VOPP1: variants seen among roughly 807,000 people sequenced by gnomAD.
The protein encoded by VOPP1 is WW domain binding protein VOPP1.
In VOPP1, 8 loss-of-function variants were observed where a neutral mutation model predicts 23.5. The ratio of observed to expected loss-of-function variants is 0.34; its 90% confidence interval spans 0.20 to 0.61. VOPP1 has a LOEUF of 0.61. Ranked by LOEUF, VOPP1 falls within the 20% of genes least tolerant of loss-of-function variation. The pLI is 0.78. For missense variants in VOPP1, 174 were observed against 238.1 expected (o/e 0.73, Z 1.77); for synonymous variants, 83 against 97.3 (o/e 0.85, Z 0.86).
chr7:55,556,815 C>A (rs1398852433), intron 1 of VOPP1, among the ~76,000 whole-genome samples: 8 of 152,108 alleles, frequency 5.3e-5, no homozygotes, highest in African/African-American at 1.9e-4. Flanking sequence ...GAATTAATGA[C>A]CCTTGTTGTA....
intron 4 of VOPP1, among the ~76,000 whole-genome samples, chr7:55,453,989 T>C (rs1234044871): frequency 2.0e-5 from 3 of 152,194 alleles, no homozygotes; most frequent in South Asian, 2.1e-4. Flanking sequence ...GAAAATAGTA[T>C]ACCAAATCCT....
intron 2 of VOPP1, among the ~76,000 whole-genome samples, chr7:55,507,893 G>C (rs1451640186): frequency 6.6e-6 from 1 of 152,162 alleles, no homozygotes; most frequent in Non-Finnish European, 1.5e-5. Context: ...GCTTTGATGA[G>C]GCCTGAGCCC....
intron 1 of VOPP1, chr7:55,561,769 A>C (rs1461892701): frequency 2.1e-6 from 1 of 483,308 alleles, no homozygotes; most frequent in Non-Finnish European, 3.7e-6. Context: ...AAAAACAAAC[A>C]AGCAATTACA....
intron 4 of VOPP1, among the ~76,000 whole-genome samples, chr7:55,491,406 C>G (rs1219049043): frequency 6.6e-6 from 1 of 152,216 alleles, no homozygotes; most frequent in Non-Finnish European, 1.5e-5. Flanking sequence ...CCACAGTGTG[C>G]AATCAATAGA....
Position 55,447,927 on chromosome 7 carries a change from C to T in VOPP1, n.418-11753G>A, listed in dbSNP as rs1221196009. Reference sequence around the variant, plus strand: ...ATTGGCAATTATATATGAACTAAATCATTATAATTACAACTCATTGTAATT... The same window carrying T: ...ATTGGCAATTATATATGAACTAAATTATTATAATTACAACTCATTGTAATT... On this transcript the variant is annotated intron_variant and non_coding_transcript_variant, in intron 4 of 4. Coordinates refer to the VOPP1 transcript ENST00000462326. Among the ~76,000 whole-genome samples, 6 of 152,080 alleles carry T rather than the reference C, an allele frequency of 3.9e-5. No individual in the cohort carries two copies. The East Asian group carries it at 1.2e-3, about 29-fold the overall frequency.
At position 55,472,881 on chromosome 7, in the gene VOPP1, A is replaced by G; in HGVS notation, c.493T>C (p.Tyr165His). ...PAYCNTPPPP[Y>H]EQVVKAK ...TACTTGGCCTTCACTACCTGTTCGT[A>G]CGGGGGCGGAGGCGTGTTGCAGTAG... Residue 165 changes from tyrosine to histidine, a missense_variant, in exon 5 of 5, where the codon TAC (tyrosine) becomes CAC (histidine). Physicochemically the swap from Tyr to His is moderately conservative, Grantham distance 83. Transcript: ENST00000285279. The G allele has an allele frequency of 7.0e-7, 1 of 1,426,458 alleles. No individual in the cohort carries two copies. Among genetic ancestry groups the G allele is most frequent in the East Asian group, 2.8e-5 (1 of 35,362 alleles). 88.4% of individuals were successfully genotyped at this position (1,426,458 alleles called of 1,614,324 possible).
At chr7:55,475,844 C>T (rs1327149496) in intron 4 of VOPP1, among the ~76,000 whole-genome samples, 3 of 152,196 alleles carry the variant, frequency 2.0e-5, no homozygotes, top group Non-Finnish European at 4.4e-5. Flanking sequence ...CAGCCTGTGC[C>T]GTGTGTGCAC....
At chr7:55,525,366 G>A (rs769729325) in intron 1 of VOPP1, among the ~76,000 whole-genome samples, 3 of 152,036 alleles carry the variant, frequency 2.0e-5, no homozygotes, top group East Asian at 1.9e-4. Flanking sequence ...GTGGGCGCCT[G>A]TAGTCCCAGC....
chr7:55,549,312 G>A (rs544866588), intron 1 of VOPP1, among the ~76,000 whole-genome samples: 3 of 152,174 alleles, frequency 2.0e-5, no homozygotes, highest in Middle Eastern at 3.2e-3. Flanking sequence ...CCTTCTCTCA[G>A]GGCAAGTGGC....
At chr7:55,536,560 CCAT>C (rs201547408) in intron 1 of VOPP1, among the ~76,000 whole-genome samples, 1,670 of 152,194 alleles carry the variant, frequency 0.011, 11 homozygotes, top group Middle Eastern at 0.02. Flanking sequence ...AGATTTACCA[CCAT>C]GAGGATAGAG....
At chr7:55,527,569 C>A (rs190482873) in intron 1 of VOPP1, among the ~76,000 whole-genome samples, 1 of 152,164 alleles carries the variant, frequency 6.6e-6, no homozygotes, top group South Asian at 2.1e-4. Context: ...TACCTGCTTT[C>A]GTGTTCAGCA....
At chr7:55,538,822 A>G (rs1164557115) in intron 1 of VOPP1, among the ~76,000 whole-genome samples, 1 of 152,040 alleles carries the variant, frequency 6.6e-6, no homozygotes, top group Non-Finnish European at 1.5e-5. Flanking sequence ...TCTTAAAAAA[A>G]AAAAAAAAAA....
intron 2 of VOPP1, among the ~76,000 whole-genome samples, chr7:55,512,703 G>T (rs866582754): frequency 2.0e-5 from 3 of 152,234 alleles, no homozygotes; most frequent in Non-Finnish European, 4.4e-5. Context: ...AGCTAGGGAA[G>T]CGCCCCCGCC....
chr7:55,436,198 T>A (rs553051597), intron 4 of VOPP1: 2 of 152,218 alleles, frequency 1.3e-5, no homozygotes, highest in Admixed American at 6.5e-5. Context: ...AATAAATACA[T>A]GTTTACATTT....
intron 4 of VOPP1, among the ~76,000 whole-genome samples, chr7:55,454,921 T>G (rs1791329823): frequency 6.6e-6 from 1 of 152,194 alleles, no homozygotes; most frequent in Non-Finnish European, 1.5e-5. Context: ...ATCACTCCTA[T>G]TCAACACAGT....
In VOPP1 at chr7:55,472,916, G is replaced by T; in HGVS notation, c.458C>A (p.Pro153His). The change falls in exon 5 of 5, where the codon CCC (proline) becomes CAC (histidine). Residue 153 changes from proline (P) to histidine (H), a missense_variant. Pro to His is a moderately conservative substitution (Grantham distance 77, BLOSUM62 -2). Transcript: ENST00000285279. ...AGGCGTGTTGCAGTAGGCTGGAGGG[G>T]GCGGGCAGGCCACACTCCCCTGGGG... ...NSPQGSVACP[P>H]PPAYCNTPPP... 1 of 1,537,054 alleles carries T rather than the reference G, an allele frequency of 6.5e-7. No individual in the cohort carries two copies. The highest frequency in any genetic ancestry group is 8.7e-7 in the Non-Finnish European group (1 of 1,148,078).
chr7:55,488,395 G>C (rs1036541409), intron 4 of VOPP1, among the ~76,000 whole-genome samples: 1 of 152,054 alleles, frequency 6.6e-6, no homozygotes, highest in Non-Finnish European at 1.5e-5. Context: ...TGAGCCCTTC[G>C]GCCAGCAGCT....
At chr7:55,462,784 T>C (rs1366154439) in intron 4 of VOPP1, among the ~76,000 whole-genome samples, 3 of 150,296 alleles carry the variant, frequency 2.0e-5, no homozygotes, top group Non-Finnish European at 4.5e-5. Context: ...GCCTCCCAAG[T>C]AGCTGGGACT....
At chr7:55,516,604 G>A (rs928924188) in intron 2 of VOPP1, among the ~76,000 whole-genome samples, 2 of 152,128 alleles carry the variant, frequency 1.3e-5, no homozygotes, top group Admixed American at 6.6e-5. Flanking sequence ...TGGGATTTCC[G>A]GTGAGACAAA....
Sources: allele counts gnomAD v4.1 joint callset (sites outside exome capture counted in the v4.1 genomes callset), GRCh38; gene constraint gnomAD v4.1.1; transcripts MANE v1.5; gene names NCBI Gene and HGNC (gene_info 2026-07-23, HGNC 2026-07-21).